ALG8: variants seen among roughly 807,000 people sequenced by gnomAD.
The protein encoded by ALG8 is dolichyl pyrophosphate Glc1Man9GlcNAc2 alpha-1,3-glucosyltransferase.
ALG8 carries 48 observed loss-of-function variants against 70.2 expected under a neutral mutation model. That is an observed-to-expected ratio of 0.68 (90% CI 0.54 to 0.87). The LOEUF is 0.87. Among genes scored for constraint, ALG8 ranks in the 40% least tolerant of loss-of-function variants. The pLI, the probability that ALG8 is intolerant of heterozygous loss-of-function variation, is 0.00. For missense variants in ALG8, 572 were observed against 608.7 expected (o/e 0.94, Z 0.64); for synonymous variants, 234 against 229.0 (o/e 1.02, Z -0.20).
intron 8 of ALG8, chr11:78,112,321 A>T (rs537290108): frequency 3.0e-6 from 1 of 335,792 alleles, no homozygotes; most frequent in South Asian, 2.5e-5. Context: ...AGAAGGGGGG[A>T]AAAAAAGCAG....
Position 78,101,112 on chromosome 11 carries a change from A to T in ALG8, c.1433T>A (p.Phe478Tyr), listed in dbSNP as rs745780249. ...CTTCACCTTCCAGGAGGTGAAAGGG[A>T]ATACAAATTCACAGCAGACTTCCAG... Reference protein sequence around the residue: ...GPLEVCCEFVFPFTSWKVKYP... With the variant: ...GPLEVCCEFVYPFTSWKVKYP... Residue 478 changes from phenylalanine (F) to tyrosine (Y), a missense_variant, in exon 13 of 13, where the codon TTC becomes TAC. Physicochemically the swap from Phe to Tyr is conservative, Grantham distance 22 (BLOSUM62 3). Transcript: ENST00000299626. The T allele has an allele frequency of 1.2e-6, 2 of 1,614,232 alleles. No individual in the cohort carries two copies. The highest frequency in any genetic ancestry group is 2.2e-5 in the South Asian group (2 of 91,090).
At chr11:78,109,254 T>C (rs759000431) in intron 9 of ALG8, among the ~76,000 whole-genome samples, 188 bp downstream of exon 9, 2 of 152,262 alleles carry the variant, frequency 1.3e-5, no homozygotes, top group Non-Finnish European at 2.9e-5. Flanking sequence ...AAGGCTTTAC[T>C]GGTAATCCTT....
chr11:78,137,116 T>C (rs913099491), intron 1 of ALG8: 1 of 152,198 alleles, frequency 6.6e-6, no homozygotes, highest in Non-Finnish European at 1.5e-5. Context: ...GGTCCTCAGG[T>C]GATCCGCCCG....
chr11:78,103,885 T>C (rs1301183711), intron 12 of ALG8, 95 bp downstream of exon 12: 1 of 691,736 alleles, frequency 1.4e-6, no homozygotes, highest in Non-Finnish European at 2.4e-6. Flanking sequence ...ATATTACTGT[T>C]ATAACTTAAA....
chr11:78,101,517 T>C lies in ALG8; in HGVS notation c.1350-322A>G, dbSNP rs148045550. ...GGTGGCACAGGCCTGTAATTCCAGCTACTTGGGAGGCTGAGGCAGGAGAAC... is the reference window on the plus strand; with the variant it reads ...GGTGGCACAGGCCTGTAATTCCAGCCACTTGGGAGGCTGAGGCAGGAGAAC... On this transcript the variant is annotated intron_variant, in intron 12 of 12. Coordinates refer to ENST00000299626, the MANE Select transcript of ALG8 (RefSeq NM_024079.5). Among the ~76,000 whole-genome samples the C allele has an allele frequency of 1.8e-3, 271 of 152,170 alleles. 1 individual carries two copies. The highest frequency in any genetic ancestry group is 6.4e-3 in the African/African-American group (264 of 41,522).
intron 8 of ALG8, 41 bp downstream of exon 8, chr11:78,112,609 T>C: frequency 6.2e-7 from 1 of 1,610,528 alleles, no homozygotes; most frequent in African/African-American, 1.3e-5. Context: ...CTAAGTCCTT[T>C]CAATATTCAG....
chr11:78,139,523 A>G lies in ALG8; in HGVS notation c.66T>C (p.Thr22=), dbSNP rs1270143753. The part of the protein sequence containing the change: ...NWFSALALGV[T]LLKCLLIPTY... ...TGGGGATGAGAAGGCATTTGAGAAG[A>G]GTCACCCCGAGCGCCAAAGCCGAAA... The change falls in exon 1 of 13, where the codon ACT becomes ACC. Residue 22 remains threonine (T), a synonymous_variant. Coordinates refer to ENST00000299626, the MANE Select transcript of ALG8 (RefSeq NM_024079.5). 5 of 1,562,866 alleles carry G rather than the reference A, an allele frequency of 3.2e-6. No homozygotes were observed. The African/African-American group carries it at 4.1e-5, about 13-fold the overall frequency.
chr11:78,138,824 T>C (rs764921850), intron 1 of ALG8: 1 of 456,266 alleles, frequency 2.2e-6, no homozygotes, highest in East Asian at 6.9e-5. Context: ...CTGTGTTATC[T>C]GTCCCCAGTG....
chr11:78,127,306 A>T, intron 2 of ALG8, 52 bp downstream of exon 2: 1 of 1,459,314 alleles, frequency 6.9e-7, no homozygotes, highest in Non-Finnish European at 9.5e-7. Flanking sequence ...AGTAATATTT[A>T]CCTAGTTTAT....
chr11:78,138,351 CAA>C (rs11382468), intron 1 of ALG8, among the ~76,000 whole-genome samples: 28,567 of 134,604 alleles, frequency 0.21, 3,113 homozygotes, highest in East Asian at 0.32. Context: ...GAGACTGTCT[CAA>C]AAAAAAAAAA....
intron 6 of ALG8, 137 bp downstream of exon 6, chr11:78,114,129 G>A: frequency 1.4e-6 from 2 of 1,413,370 alleles, no homozygotes; most frequent in South Asian, 1.2e-5. Context: ...AGAAAAGCGA[G>A]AATGGGTAAA....
intron 1 of ALG8, 116 bp from the exon 2 acceptor site, chr11:78,127,552 C>T: frequency 1.2e-6 from 1 of 852,168 alleles, no homozygotes; most frequent in Non-Finnish European, 1.9e-6. Flanking sequence ...AGCTCACTGT[C>T]CTATAGAGAC....
chr11:78,121,178 C>G lies in ALG8; in HGVS notation c.369-4G>C. ...TCCATCAATGCATTTACAGCACCTA[C>G]ATTGAAACATTAGGAAAGAAACAGA... On this transcript the variant is annotated splice_region_variant and splice_polypyrimidine_tract_variant and intron_variant, in intron 3 of 12. Transcript: ENST00000299626. The G allele has an allele frequency of 6.3e-7, 1 of 1,596,820 alleles. No homozygotes were observed. Among genetic ancestry groups the G allele is most frequent in the South Asian group, 1.1e-5 (1 of 90,734 alleles).
intron 1 of ALG8, among the ~76,000 whole-genome samples, chr11:78,129,105 T>G (rs1403342165): frequency 6.6e-6 from 1 of 151,838 alleles, no homozygotes; most frequent in Non-Finnish European, 1.5e-5. Flanking sequence ...GTATGCTCAC[T>G]AAAAGACACG....
chr11:78,121,939 C>T (rs573527577), intron 3 of ALG8, among the ~76,000 whole-genome samples: 1 of 152,192 alleles, frequency 6.6e-6, no homozygotes, highest in African/African-American at 2.4e-5. Flanking sequence ...ACAGTAAGAT[C>T]CTATTTTTAT....
chr11:78,139,260 G>A, intron 1 of ALG8: 1 of 566,604 alleles, frequency 1.8e-6, no homozygotes, highest in South Asian at 2.0e-5. Flanking sequence ...GGACCCTGAG[G>A]TTCAGAAACG....
intron 8 of ALG8, among the ~76,000 whole-genome samples, chr11:78,110,822 T>G (rs1172069490): frequency 6.6e-6 from 1 of 152,180 alleles, no homozygotes; most frequent in Non-Finnish European, 1.5e-5. Flanking sequence ...CCCTTTGGCC[T>G]GCTGATTCTC....
At chr11:78,117,318 G>A (rs902132054) in intron 5 of ALG8, among the ~76,000 whole-genome samples, 1 of 152,128 alleles carries the variant, frequency 6.6e-6, no homozygotes, top group South Asian at 2.1e-4. Context: ...CATGTACAAA[G>A]GGATGGCCCC....
chr11:78,101,536 G>C (rs1270802633), intron 12 of ALG8, among the ~76,000 whole-genome samples: 1 of 152,090 alleles, frequency 6.6e-6, no homozygotes, highest in Non-Finnish European at 1.5e-5. Flanking sequence ...GGCTGAGGCA[G>C]GAGAACTGCT....
Sources: allele counts gnomAD v4.1 joint callset (sites outside exome capture counted in the v4.1 genomes callset), GRCh38; gene constraint gnomAD v4.1.1; transcripts MANE v1.5; gene names NCBI Gene and HGNC (gene_info 2026-07-23, HGNC 2026-07-21).